Variants in EIPR1 observed in about 807,000 individuals in gnomAD.
The protein encoded by EIPR1 is EARP and GARP complex-interacting protein 1.
A neutral mutation model predicts 48.1 loss-of-function variants in EIPR1; 25 were observed. The observed-to-expected ratio is 0.52, with a 90% confidence interval of 0.38 to 0.73. The LOEUF is 0.73. EIPR1 is among the 30% of genes least tolerant of loss of function. The probability of loss-of-function intolerance (pLI) is 0.00; values close to 1 mark genes in which losing one functional copy is unlikely to be tolerated. For synonymous variants in EIPR1, 204 were observed against 201.9 expected, an observed-to-expected ratio of 1.01 and a Z score of -0.09; for missense variants, 415 against 506.2, an observed-to-expected ratio of 0.82 and a Z score of 1.73.
At chr2:3,210,631 T>C (rs1479548868) in intron 5 of EIPR1, among the ~76,000 whole-genome samples, 3 of 140,608 alleles carry the variant, frequency 2.1e-5, no homozygotes, top group Non-Finnish European at 3.1e-5. Context: ...CCAATTCTTT[T>C]TTTTTTTTTT....
rs538823004 is a variant in EIPR1, at chr2:3,324,408, G to A, written c.259+13609C>T. On this transcript the variant is annotated intron_variant, in intron 3 of 8. Transcript: ENST00000382125. ...CGGGCAGTGGCCCAGTGCTTAGACA[G>A]TGTCGCTCCGTGTGCCCACTGCTGC... 4.7e-4 allele frequency among the ~76,000 whole-genome samples: 71 copies of A among 152,284 alleles called. 1 individual carries two copies. The highest frequency in any genetic ancestry group is 1.7e-3 in the Admixed American group (26 of 15,310).
Position 3,377,816 on chromosome 2 carries a change from A to G in EIPR1, c.-127T>C. The G allele has an allele frequency of 8.9e-7, 1 of 1,124,748 alleles. No individual in the cohort carries two copies. Among genetic ancestry groups the G allele is most frequent in the Admixed American group, 2.3e-5 (1 of 42,648 alleles). 69.7% of individuals were successfully genotyped at this position (1,124,748 alleles called of 1,614,324 possible). On this transcript the variant is annotated 5_prime_UTR_variant, in exon 1 of 9. Transcript: ENST00000382125. ...CCCTCCCCGCAGCAAACGACTCCAAACTGGAAGTCTTTCTGGCCCAGAACA... is the reference window on the plus strand; with the variant it reads ...CCCTCCCCGCAGCAAACGACTCCAAGCTGGAAGTCTTTCTGGCCCAGAACA...
At chr2:3,280,446 G>C (rs746978456) in intron 3 of EIPR1, among the ~76,000 whole-genome samples, 1 of 152,162 alleles carries the variant, frequency 6.6e-6, no homozygotes, top group Admixed American at 6.5e-5. Context: ...GATGGGCCGC[G>C]GGTGAGTGGC....
chr2:3,353,463 G>A (rs1670640223), intron 2 of EIPR1: 2 of 361,850 alleles, frequency 5.5e-6, no homozygotes, highest in African/African-American at 2.1e-5. Context: ...TTTAATGAGT[G>A]TAATAAGGGA....
At chr2:3,224,506 T>G (rs1665995808) in intron 4 of EIPR1, among the ~76,000 whole-genome samples, 3 of 152,320 alleles carry the variant, frequency 2.0e-5, no homozygotes, top group East Asian at 1.9e-4. Flanking sequence ...GGTGCCTGAC[T>G]GGACACTCTA....
intron 5 of EIPR1, among the ~76,000 whole-genome samples, chr2:3,201,144 C>A (rs191495141): frequency 6.6e-6 from 1 of 152,216 alleles, no homozygotes; most frequent in Admixed American, 6.5e-5. Flanking sequence ...TGCTCCGTTT[C>A]TCTTTCTCTC....
In EIPR1 at chr2:3,189,384, G is replaced by A; in HGVS notation, c.1114C>T (p.Leu372Phe). 6.2e-7 allele frequency: 1 copy of A among 1,602,682 alleles called. No individual in the cohort carries two copies. Among genetic ancestry groups the A allele is most frequent in the Non-Finnish European group, 8.5e-7 (1 of 1,173,476 alleles). The change falls in exon 9 of 9, where the codon CTC (leucine) becomes TTC (phenylalanine). Residue 372 changes from leucine to phenylalanine, a missense_variant. Coordinates refer to ENST00000382125, the MANE Select transcript of EIPR1 (RefSeq NM_003310.5). This position sits in a 1 kb window ranked among gnomAD's most constrained non-coding sequence, Gnocchi z 4.6. ...LFASLSYDGR[L>F]VINRVPRALK... ...GCCCTGGGCACCCTGTTGATCACGA[G>A]CCTCCCGTCATAGCTCAGGGAGGCA...
chr2:3,189,548 G>T lies in EIPR1; in HGVS notation c.990-40C>A. Reference sequence around the variant, plus strand: ...AGGCAGACGTGAGCGCAGCAGCTCCGGCGGGGCGGGCAGGAGAGGGGCAGG... The same window carrying T: ...AGGCAGACGTGAGCGCAGCAGCTCCTGCGGGGCGGGCAGGAGAGGGGCAGG... On this transcript the variant is annotated intron_variant, in intron 8 of 8. Coordinates refer to ENST00000382125, the MANE Select transcript of EIPR1 (RefSeq NM_003310.5). This position sits in a 1 kb window ranked among gnomAD's most constrained non-coding sequence, Gnocchi z 4.6. 1 of 1,492,188 alleles carries T rather than the reference G, an allele frequency of 6.7e-7. No homozygotes were observed. Among genetic ancestry groups the T allele is most frequent in the South Asian group, 1.3e-5 (1 of 77,012 alleles). The allele number at this position is 1,492,188 out of a possible 1,614,324, so 92.4% of individuals were successfully genotyped here.
chr2:3,200,334 T>A (rs766250766), intron 5 of EIPR1, among the ~76,000 whole-genome samples: 1 of 152,154 alleles, frequency 6.6e-6, no homozygotes, highest in Non-Finnish European at 1.5e-5. Context: ...CCAAGTGACT[T>A]TCAGGAAGTC....
intron 3 of EIPR1, chr2:3,301,096 A>C (rs1446682107): frequency 1.3e-5 from 2 of 152,174 alleles, no homozygotes; most frequent in African/African-American, 4.8e-5. Flanking sequence ...TTTCTGAAAG[A>C]AAAGTTCCAA....
chr2:3,319,539 C>T (rs1669426313), intron 3 of EIPR1: 1 of 162,838 alleles, frequency 6.1e-6, no homozygotes. Context: ...CAAGGACCCA[C>T]CACGAGTAGT....
Position 3,321,463 on chromosome 2 carries a change from C to T in EIPR1, c.259+16554G>A, listed in dbSNP as rs528526901. 6.4e-4 allele frequency among the ~76,000 whole-genome samples: 97 copies of T among 152,284 alleles called. 2 individuals are homozygous for T. The South Asian group carries it at 0.02, about 31-fold the overall frequency. Reference sequence around the variant, plus strand: ...TGATGGATTCCAACTTTTCTCCCCACCTCTCACGTACTCCATTCTTTCAAA... The same window carrying T: ...TGATGGATTCCAACTTTTCTCCCCATCTCTCACGTACTCCATTCTTTCAAA... On this transcript the variant is annotated intron_variant, in intron 3 of 8. Transcript: ENST00000382125.
chr2:3,368,808 T>G (rs1485023948), intron 1 of EIPR1, among the ~76,000 whole-genome samples: 1 of 152,180 alleles, frequency 6.6e-6, no homozygotes, highest in African/African-American at 2.4e-5. Flanking sequence ...CATTTGAAAT[T>G]TCATGCATTT....
intron 3 of EIPR1, among the ~76,000 whole-genome samples, chr2:3,283,962 A>AAAAAAAAAG (rs1553294333): frequency 7.0e-6 from 1 of 142,628 alleles, no homozygotes. Flanking sequence ...AAAAAAAAAA[A>AAAAAAAAAG]AAAGAAAGAA....
At chr2:3,318,082 G>A (rs529035535) in intron 3 of EIPR1, among the ~76,000 whole-genome samples, 13 of 152,350 alleles carry the variant, frequency 8.5e-5, no homozygotes, top group East Asian at 3.9e-4. Context: ...GCGCACAGCC[G>A]TGGCTCCTAA....
intron 4 of EIPR1, among the ~76,000 whole-genome samples, chr2:3,234,221 T>A (rs979634293): frequency 7.9e-5 from 12 of 152,266 alleles, no homozygotes; most frequent in Admixed American, 2.6e-4. Context: ...CTGTTTTTTT[T>A]ACCAATAAAT....
intron 3 of EIPR1, among the ~76,000 whole-genome samples, chr2:3,291,086 C>A (rs1668350470): frequency 6.6e-6 from 1 of 152,206 alleles, no homozygotes; most frequent in African/African-American, 2.4e-5. Context: ...GATGAGGATA[C>A]CCCGAGGAAC....
At chr2:3,277,837 G>A (rs530082399) in intron 3 of EIPR1, among the ~76,000 whole-genome samples, 1 of 152,208 alleles carries the variant, frequency 6.6e-6, no homozygotes, top group African/African-American at 2.4e-5. Context: ...GGTGAGCATG[G>A]AAAGGAGCTA....
chr2:3,372,910 G>A (rs1034324748), intron 1 of EIPR1, among the ~76,000 whole-genome samples: 8 of 151,882 alleles, frequency 5.3e-5, no homozygotes, highest in East Asian at 1.9e-4. Context: ...TACCAAAGCC[G>A]GGCAGAGACA....
Sources: gnomAD v4.1 joint callset for allele counts (sites outside exome capture counted in the v4.1 genomes callset) on GRCh38, gnomAD v4.1.1 for gene constraint, Gnocchi (gnomAD v3.1) non-coding constraint, MANE v1.5 for transcripts, NCBI Gene and HGNC (gene_info 2026-07-23, HGNC 2026-07-21) for gene names.